ITGA6: variants seen among roughly 807,000 people sequenced by gnomAD.
ITGA6 encodes integrin alpha-6.
In ITGA6, 63 loss-of-function variants were observed where a neutral mutation model predicts 133.6. That is an observed-to-expected ratio of 0.47 (90% CI 0.38 to 0.58). The LOEUF is 0.58. Ranked by LOEUF, ITGA6 falls within the 20% of genes least tolerant of loss-of-function variation. The pLI is 0.00. For synonymous variants in ITGA6, 434 were observed against 482.0 expected, an observed-to-expected ratio of 0.90 and a Z score of 1.30; for missense variants, 1,068 against 1,309.4, an observed-to-expected ratio of 0.82 and a Z score of 2.85.
intron 1 of ITGA6, among the ~76,000 whole-genome samples, chr2:172,436,919 T>G (rs1439213218): frequency 6.6e-6 from 1 of 152,080 alleles, no homozygotes; most frequent in Non-Finnish European, 1.5e-5. Flanking sequence ...GAGGGGAGAA[T>G]GGTTGATGTG....
chr2:172,506,074 C>G lies in ITGA6; in HGVS notation c.*2006C>G, dbSNP rs563758903. ...TTAAAAATGTCATCTCAAGTCAAGT[C>G]ACTGGTCTGTTTGCATTTGATACAT... On this transcript the variant is annotated 3_prime_UTR_variant, in exon 26 of 26. Transcript: ENST00000684293. The G allele has an allele frequency of 1.3e-5, 2 of 152,702 alleles. No individual in the cohort carries two copies. Among genetic ancestry groups the G allele is most frequent in the East Asian group, 3.9e-4 (2 of 5,182 alleles). 9.5% of individuals were successfully genotyped at this position (152,702 alleles called of 1,614,324 possible). A position where few individuals can be genotyped will look rare whatever the true frequency, so the allele number is the denominator to read the frequency against.
At chr2:172,461,652 G>A (rs1290847894) in intron 1 of ITGA6, among the ~76,000 whole-genome samples, 1 of 152,234 alleles carries the variant, frequency 6.6e-6, no homozygotes, top group African/African-American at 2.4e-5. Flanking sequence ...GTAGTGCCCA[G>A]AGAGTACCTG....
rs79933328 is a variant in ITGA6 at position 172,473,151 on chromosome 2, A to G, written c.776-904A>G. Among the ~76,000 whole-genome samples, 1,133 of 152,310 alleles carry G rather than the reference A, an allele frequency of 7.4e-3. 13 individuals are homozygous for G. Among genetic ancestry groups the G allele is most frequent in the African/African-American group, 0.026 (1,061 of 41,542 alleles). On this transcript the variant is annotated intron_variant, in intron 5 of 25. Coordinates refer to ENST00000684293, the MANE Select transcript of ITGA6 (RefSeq NM_000210.4). ...CAACGGTAGTGGTGAAGCTTTTCATAAGTAAAACCCAATAAAGGGGGTGAG... is the reference window on the plus strand; with the variant it reads ...CAACGGTAGTGGTGAAGCTTTTCATGAGTAAAACCCAATAAAGGGGGTGAG...
chr2:172,483,986 T>C, intron 11 of ITGA6, among the ~76,000 whole-genome samples: 1 of 152,144 alleles, frequency 6.6e-6, no homozygotes, highest in East Asian at 1.9e-4. Flanking sequence ...AATTTTTGTA[T>C]TTTTAGTAGA....
chr2:172,474,488 A>G (rs62167774), intron 6 of ITGA6, among the ~76,000 whole-genome samples: 2 of 150,278 alleles, frequency 1.3e-5, no homozygotes, highest in African/African-American at 2.4e-5. Flanking sequence ...GTTTTTACTT[A>G]TATGTTGGGA....
chr2:172,487,883 A>G (rs1222313549), intron 17 of ITGA6, 76 bp downstream of exon 17: 2 of 1,484,618 alleles, frequency 1.3e-6, no homozygotes, highest in South Asian at 1.1e-5. Flanking sequence ...GCCCTGATCT[A>G]CCTCATAAAA....
At chr2:172,441,794 G>A (rs1684555331) in intron 1 of ITGA6, among the ~76,000 whole-genome samples, 1 of 152,066 alleles carries the variant, frequency 6.6e-6, no homozygotes, top group African/African-American at 2.4e-5. Flanking sequence ...GGAGACCTAG[G>A]ATTTGTCATA....
chr2:172,480,159 A>G (rs1686372059), intron 11 of ITGA6, 108 bp downstream of exon 11: 3 of 724,326 alleles, frequency 4.1e-6, no homozygotes, highest in South Asian at 2.9e-5. Flanking sequence ...GGGTCTGTCA[A>G]TTCTGGTGTA....
In ITGA6 at chr2:172,504,512, G is replaced by A. The variant is rs953936982; in HGVS notation, c.*444G>A. 7 of 313,970 alleles carry A rather than the reference G, an allele frequency of 2.2e-5. No individual in the cohort carries two copies. Among genetic ancestry groups the A allele is most frequent in the African/African-American group, 1.1e-4 (5 of 46,100 alleles). The allele number at this position is 313,970 out of a possible 1,614,324, so 19.4% of individuals were successfully genotyped here. On this transcript the variant is annotated 3_prime_UTR_variant, in exon 26 of 26. Transcript: ENST00000684293. ...TTTCTGGGTTGCCTTTATTTTTGGC[G>A]TGGCTGACTTACATCATGTGTTGGG...
chr2:172,485,899 G>A (rs1373571151), intron 13 of ITGA6, among the ~76,000 whole-genome samples: 3 of 152,148 alleles, frequency 2.0e-5, no homozygotes, highest in Non-Finnish European at 2.9e-5. Flanking sequence ...GATGATGAAC[G>A]GGTGTGGTGG....
chr2:172,437,992 G>A (rs1417719501), intron 1 of ITGA6, among the ~76,000 whole-genome samples: 2 of 151,784 alleles, frequency 1.3e-5, no homozygotes, highest in Non-Finnish European at 2.9e-5. Context: ...TGATGGGGAG[G>A]AGTGGGAGCA....
intron 24 of ITGA6, among the ~76,000 whole-genome samples, chr2:172,498,908 G>A (rs976387446): frequency 3.9e-5 from 6 of 152,134 alleles, no homozygotes; most frequent in Admixed American, 1.3e-4. Context: ...AGGCTACTTC[G>A]AAGTCTTTAT....
rs539831416 is a variant in ITGA6 at position 172,465,303 on chromosome 2, GC to G, written c.183-234del. On this transcript the variant is annotated intron_variant, in intron 1 of 25. Transcript: ENST00000684293. ...GAAATGCTGATACTATGAGAGACAGGCCTATTTTCCTCGTTTTGGTATCCCC... is the reference window on the plus strand; with the variant it reads ...GAAATGCTGATACTATGAGAGACAGGCTATTTTCCTCGTTTTGGTATCCCC... 190 of 590,928 alleles carry G rather than the reference GC, an allele frequency of 3.2e-4. 1 individual carries two copies. The African/African-American group carries it at 3.2e-3, about 10-fold the overall frequency. The allele number at this position is 590,928 out of a possible 1,614,324, so 36.6% of individuals were successfully genotyped here.
At chr2:172,430,564 T>A (rs1684064828) in intron 1 of ITGA6, among the ~76,000 whole-genome samples, 1 of 152,238 alleles carries the variant, frequency 6.6e-6, no homozygotes, top group Non-Finnish European at 1.5e-5. Flanking sequence ...AGACCTATCA[T>A]AAATGTTTGT....
intron 1 of ITGA6, 178 bp downstream of exon 1, chr2:172,428,148 G>A (rs1433217898): frequency 1.1e-5 from 4 of 377,686 alleles, no homozygotes; most frequent in African/African-American, 2.2e-5. Flanking sequence ...CCCGCCCCGC[G>A]CGGCGCCTCC....
At chr2:172,447,406 T>A (rs1236882021) in intron 1 of ITGA6, among the ~76,000 whole-genome samples, 1 of 152,108 alleles carries the variant, frequency 6.6e-6, no homozygotes. Flanking sequence ...GGTTTTACCA[T>A]GTTGACTAGG....
chr2:172,439,330 A>T (rs1477601361), intron 1 of ITGA6, among the ~76,000 whole-genome samples: 2 of 151,958 alleles, frequency 1.3e-5, no homozygotes, highest in African/African-American at 2.4e-5. Context: ...AGGAGTGTAG[A>T]AAATGAGGCT....
In ITGA6 at chr2:172,493,284, G is replaced by A. The variant is rs537751936; in HGVS notation, c.2988+1761G>A. 3.9e-5 allele frequency among the ~76,000 whole-genome samples: 6 copies of A among 152,150 alleles called. No homozygotes were observed. In the South Asian group the frequency reaches 1.2e-3, roughly 32 times the overall value. On this transcript the variant is annotated intron_variant, in intron 23 of 25. Coordinates refer to ENST00000684293, the MANE Select transcript of ITGA6 (RefSeq NM_000210.4). The stretch of plus-strand genomic sequence containing the variant: ...AAGTGGTATCAACCAGCACTGTCCC[G>A]GTCTCTCCAGGACATATCAACAGGC...
rs558644845 is a variant in ITGA6, at chr2:172,482,048, A to T, written c.1549+1997A>T. Among the ~76,000 whole-genome samples, 3 of 152,184 alleles carry T rather than the reference A, an allele frequency of 2.0e-5. No individual in the cohort carries two copies. The South Asian group carries it at 6.2e-4, about 31-fold the overall frequency. On this transcript the variant is annotated intron_variant, in intron 11 of 25. Transcript: ENST00000684293. Reference sequence around the variant, plus strand: ...TTCTGTTCTGATGGCCATTTTTTCAAACCACTCTCAGTTTGACTGTAGATG... The same window carrying T: ...TTCTGTTCTGATGGCCATTTTTTCATACCACTCTCAGTTTGACTGTAGATG...
Sources: gnomAD v4.1 joint callset for allele counts (sites outside exome capture counted in the v4.1 genomes callset) on GRCh38, gnomAD v4.1.1 for gene constraint, MANE v1.5 for transcripts, NCBI Gene and HGNC (gene_info 2026-07-23, HGNC 2026-07-21) for gene names.